Variants in INPP5D observed in about 807,000 individuals in gnomAD.
INPP5D encodes phosphatidylinositol 3,4,5-trisphosphate 5-phosphatase 1.
Under a neutral mutation model 122.9 loss-of-function variants are expected in INPP5D, and 33 were observed. The observed-to-expected ratio is 0.27, with a 90% CI of 0.20 to 0.36. The LOEUF (loss-of-function observed/expected upper bound fraction) is 0.36, where lower values mean the gene tolerates loss of function less well. Ranked by LOEUF, INPP5D falls within the 10% of genes least tolerant of loss-of-function variation. The pLI is 1.00. For synonymous variants in INPP5D, 584 were observed against 576.2 expected (o/e 1.01, Z -0.19); for missense variants, 1,053 against 1,412.7 (o/e 0.75, Z 4.08).
intron 2 of INPP5D, among the ~76,000 whole-genome samples, chr2:233,094,127 CATG>C (rs954261607): frequency 1.3e-5 from 2 of 151,824 alleles, no homozygotes; most frequent in African/African-American, 4.9e-5. Flanking sequence ...TCCTATATCT[CATG>C]ATAATTTTAT....
chr2:233,150,047 G>A (rs1693882551), intron 9 of INPP5D, among the ~76,000 whole-genome samples: 1 of 152,120 alleles, frequency 6.6e-6, no homozygotes, highest in South Asian at 2.1e-4. Flanking sequence ...TGGCAAGTTG[G>A]GCAGGAGAAA....
At chr2:233,073,329 TG>T (rs1307616469) in intron 1 of INPP5D, among the ~76,000 whole-genome samples, 2 of 152,212 alleles carry the variant, frequency 1.3e-5, no homozygotes, top group Non-Finnish European at 2.9e-5. Context: ...TTCTGCTTTT[TG>T]TTTTTATATT....
chr2:233,147,517 T>C lies in INPP5D; in HGVS notation c.953T>C (p.Val318Ala). The C allele has an allele frequency of 1.4e-6, 1 of 704,266 alleles. No homozygotes were observed. Among genetic ancestry groups the C allele is most frequent in the Non-Finnish European group, 2.6e-6 (1 of 384,998 alleles). 43.6% of individuals were successfully genotyped at this position (704,266 alleles called of 1,614,324 possible). A position where few individuals can be genotyped will look rare whatever the true frequency, so the allele number is the denominator to read the frequency against. ...LGIPQKMQLKVDVESGKLIIK... is the reference protein window; with the variant it reads ...LGIPQKMQLKADVESGKLIIK... Reference sequence around the variant, plus strand: ...ATTCCTCAGAAAATGCAGCTCAAAGTCGACGTTGAGTCTGGGAAACTGATC... The same window carrying C: ...ATTCCTCAGAAAATGCAGCTCAAAGCCGACGTTGAGTCTGGGAAACTGATC... The change falls in exon 9 of 27, where the codon GTC (valine) becomes GCC (alanine). Residue 318 changes from valine (V) to alanine (A), a missense_variant. Around this residue, in one of 6 missense-constraint regions of INPP5D, gnomAD observed 196 missense variants for 175.6 expected, o/e 1.12. Coordinates refer to ENST00000445964, the MANE Select transcript of INPP5D (RefSeq NM_001017915.3).
rs968343474 is a variant in INPP5D, at chr2:233,170,122, C to T, written c.1749C>T (p.Phe583=). The T allele has an allele frequency of 2.5e-6, 4 of 1,613,938 alleles. No individual in the cohort carries two copies. The highest frequency in any genetic ancestry group is 1.7e-5 in the Admixed American group (1 of 60,014). Residue 583 remains phenylalanine, a synonymous_variant, in exon 15 of 27, where the codon TTC becomes TTT. Coordinates refer to ENST00000445964, the MANE Select transcript of INPP5D (RefSeq NM_001017915.3). This position sits in a 1 kb window ranked among gnomAD's most constrained non-coding sequence, Gnocchi z 4.5. Reference sequence around the variant, plus strand: ...TCACTCACCGCTTCACGCACCTCTTCTGGTTTGGGGATCTTAACTACCGTG... The same window carrying T: ...TCACTCACCGCTTCACGCACCTCTTTTGGTTTGGGGATCTTAACTACCGTG... ...FNITHRFTHL[F]WFGDLNYRVD...
chr2:233,193,168 C>T (rs1357303775), intron 22 of INPP5D, among the ~76,000 whole-genome samples: 9 of 152,348 alleles, frequency 5.9e-5, no homozygotes, highest in African/African-American at 1.7e-4. Flanking sequence ...GGATTACAGG[C>T]GTGAGCCACC....
intron 17 of INPP5D, among the ~76,000 whole-genome samples, chr2:233,171,572 T>C (rs1694495208): frequency 6.6e-6 from 1 of 152,224 alleles, no homozygotes; most frequent in Non-Finnish European, 1.5e-5. Context: ...AGGAAATCTG[T>C]ATGCCAAACT....
At chr2:233,141,881 G>A (rs4130641) in intron 6 of INPP5D, among the ~76,000 whole-genome samples, 71,721 of 152,016 alleles carry the variant, frequency 0.47, 17,323 homozygotes, top group African/African-American at 0.53. Flanking sequence ...TGTTAGTTTA[G>A]GTTTTCTACG....
chr2:233,101,120 A>C (rs891263469), intron 2 of INPP5D, among the ~76,000 whole-genome samples: 1 of 152,190 alleles, frequency 6.6e-6, no homozygotes, highest in South Asian at 2.1e-4. Flanking sequence ...TGATTTTGCC[A>C]AAAGGGTCAA....
At chr2:233,112,748 T>C (rs879401319) in intron 2 of INPP5D, among the ~76,000 whole-genome samples, 6 of 152,190 alleles carry the variant, frequency 3.9e-5, no homozygotes, top group Non-Finnish European at 8.8e-5. Context: ...CTCAGCTCAC[T>C]GCAACCTCTG....
In INPP5D at chr2:233,096,843, A is replaced by G. The variant is rs141625372; in HGVS notation, c.198+17445A>G. Among the ~76,000 whole-genome samples, 173 of 152,244 alleles carry G rather than the reference A, an allele frequency of 1.1e-3. 1 individual carries two copies. In the East Asian group the frequency reaches 0.017, roughly 15 times the overall value. On this transcript the variant is annotated intron_variant, in intron 2 of 26. Transcript: ENST00000445964. ...ATGAAAATATTTTCTCCAGCCTGCA[A>G]TGTTTTTAAACATTGTTTATGGTGC...
At chr2:233,096,766 G>T (rs1485090868) in intron 2 of INPP5D, among the ~76,000 whole-genome samples, 1 of 151,920 alleles carries the variant, frequency 6.6e-6, no homozygotes, top group Non-Finnish European at 1.5e-5. Flanking sequence ...AAATATTTCC[G>T]ATTTTAAAAA....
At chr2:233,108,705 A>G (rs1209505322) in intron 2 of INPP5D, among the ~76,000 whole-genome samples, 1 of 152,090 alleles carries the variant, frequency 6.6e-6, no homozygotes, top group Non-Finnish European at 1.5e-5. Flanking sequence ...TCCCACAAGT[A>G]TTTCTGAGAT....
In INPP5D at chr2:233,206,794, C is replaced by T. The variant is rs1695518999; in HGVS notation, c.*86C>T. On this transcript the variant is annotated 3_prime_UTR_variant, in exon 27 of 27. Transcript: ENST00000445964. The surrounding 1 kb of genome is among the most constrained non-coding windows in gnomAD (Gnocchi z 4.0). ...CCTCTCCCGGGACCTCCTGCTGGCT[C>T]CTCCTGCCCAGCTTCCTATGCAAGG... 1.4e-6 allele frequency: 1 copy of T among 722,894 alleles called. No individual in the cohort carries two copies. Among genetic ancestry groups the T allele is most frequent in the Non-Finnish European group, 2.6e-6 (1 of 387,588 alleles). 44.8% of individuals were successfully genotyped at this position (722,894 alleles called of 1,614,324 possible). A position where few individuals can be genotyped will look rare whatever the true frequency, so the allele number is the denominator to read the frequency against.
intron 2 of INPP5D, among the ~76,000 whole-genome samples, chr2:233,110,260 G>A (rs1001727989): frequency 3.3e-5 from 5 of 152,026 alleles, no homozygotes; most frequent in African/African-American, 4.8e-5. Context: ...TCAGCATGTT[G>A]ACCAGGCTGG....
At chr2:233,097,178 G>A (rs1447345393) in intron 2 of INPP5D, among the ~76,000 whole-genome samples, 1 of 152,032 alleles carries the variant, frequency 6.6e-6, no homozygotes, top group African/African-American at 2.4e-5. Context: ...GATTTGAAAC[G>A]CCTCCTCCTG....
In INPP5D at chr2:233,164,848, C is replaced by T. The variant is rs1039650361; in HGVS notation, c.1555+424C>T. 3.3e-5 allele frequency among the ~76,000 whole-genome samples: 5 copies of T among 152,244 alleles called. No homozygotes were observed. The highest frequency in any genetic ancestry group is 5.9e-5 in the Non-Finnish European group (4 of 68,048). ...GCAGGCCACTCAACACTATTCCTCTCTGCCTTTCTGGTGGGAAAGCAGCCA... is the reference window on the plus strand; with the variant it reads ...GCAGGCCACTCAACACTATTCCTCTTTGCCTTTCTGGTGGGAAAGCAGCCA... On this transcript the variant is annotated intron_variant, in intron 13 of 26. Transcript: ENST00000445964. This position sits in a 1 kb window ranked among gnomAD's most constrained non-coding sequence, Gnocchi z 4.3.
chr2:233,066,436 G>A (rs1691229291), intron 1 of INPP5D, among the ~76,000 whole-genome samples: 1 of 152,214 alleles, frequency 6.6e-6, no homozygotes, highest in East Asian at 1.9e-4. Context: ...AGGCTCTGTG[G>A]TCTGCTGGCT....
chr2:233,084,931 T>G (rs974966299), intron 2 of INPP5D, among the ~76,000 whole-genome samples: 2 of 152,262 alleles, frequency 1.3e-5, no homozygotes, highest in Admixed American at 6.5e-5. Context: ...TTGGTTTTTC[T>G]GTCTACTGCA....
At chr2:233,172,553 A>G (rs1338783144) in intron 17 of INPP5D, among the ~76,000 whole-genome samples, 1 of 151,136 alleles carries the variant, frequency 6.6e-6, no homozygotes, top group Non-Finnish European at 1.5e-5. Flanking sequence ...TAAAAACTGG[A>G]AAATCACAAG....
Sources: allele counts gnomAD v4.1 joint callset (sites outside exome capture counted in the v4.1 genomes callset), GRCh38; gene constraint gnomAD v4.1.1; regional missense constraint gnomAD v4.1.1; non-coding constraint Gnocchi (gnomAD v3.1); transcripts MANE v1.5; gene names NCBI Gene and HGNC (gene_info 2026-07-23, HGNC 2026-07-21).